The following MAF variants were observed in gnomAD, a reference collection of about 807,000 sequenced individuals.
The protein encoded by MAF is transcription factor Maf.
MAF carries 10 observed loss-of-function variants against 22.0 expected under a neutral mutation model. That is an observed-to-expected ratio of 0.45 (90% confidence interval 0.28 to 0.77). MAF has a LOEUF of 0.77. Among genes scored for constraint, MAF ranks in the 30% least tolerant of loss-of-function variants. MAF has a pLI of 0.12. For synonymous variants in MAF, 337 were observed against 255.8 expected (o/e 1.32, Z -3.03); for missense variants, 544 against 548.4 (o/e 0.99, Z 0.08).
chr16:79,488,931 C>T, the MAF span, among the ~76,000 whole-genome samples: 2 of 152,196 alleles, frequency 1.3e-5, no homozygotes, highest in African/African-American at 4.8e-5. Flanking sequence ...GATCATCTCT[C>T]CTTCCAGACT....
chr16:79,595,836 A>T, intron 1 of MAF: 1 of 1,058,242 alleles, frequency 9.4e-7, no homozygotes, highest in Non-Finnish European at 1.1e-6. Context: ...TTGATAACAT[A>T]GTTTAAACCA....
the MAF span, among the ~76,000 whole-genome samples, chr16:79,243,274 C>A: frequency 1.3e-5 from 2 of 150,422 alleles, no homozygotes; most frequent in Non-Finnish European, 3.0e-5. Flanking sequence ...CTGTTTTTTT[C>A]TTTTTTATTT....
At chr16:79,384,165 CG>C in the MAF span, among the ~76,000 whole-genome samples, 2 of 151,992 alleles carry the variant, frequency 1.3e-5, no homozygotes, top group Admixed American at 1.3e-4. Flanking sequence ...AAGTGATGGC[CG>C]GGGGTGGTGA....
the MAF span, among the ~76,000 whole-genome samples, chr16:79,421,339 G>A: frequency 6.6e-6 from 1 of 152,164 alleles, no homozygotes; most frequent in African/African-American, 2.4e-5. Flanking sequence ...ACAGAGCCAT[G>A]TTCCTGCCCT....
chr16:79,246,748 A>G, the MAF span, among the ~76,000 whole-genome samples: 1 of 152,116 alleles, frequency 6.6e-6, no homozygotes, highest in Admixed American at 6.5e-5. Context: ...TGAGTCTAAG[A>G]ATTCAACATT....
the MAF span, among the ~76,000 whole-genome samples, chr16:79,310,401 C>CAG: frequency 6.6e-6 from 1 of 151,960 alleles, no homozygotes; most frequent in Non-Finnish European, 1.5e-5. Context: ...GAGAGACAGA[C>CAG]AGAGAGAGAG....
the MAF span, among the ~76,000 whole-genome samples, chr16:79,211,104 C>T: frequency 6.6e-6 from 1 of 151,578 alleles, no homozygotes; most frequent in East Asian, 1.9e-4. Context: ...CCTAGCAGCA[C>T]CGTGGGCAAA....
chr16:79,224,714 T>A, the MAF span, among the ~76,000 whole-genome samples: 1 of 152,072 alleles, frequency 6.6e-6, no homozygotes, highest in African/African-American at 2.4e-5. Flanking sequence ...TATACACCAA[T>A]AATAGACAAA....
At chr16:79,566,599 A>G in the MAF span, among the ~76,000 whole-genome samples, 8 of 152,206 alleles carry the variant, frequency 5.3e-5, no homozygotes, top group Non-Finnish European at 1.2e-4. Context: ...CCTCCTGACC[A>G]CGCCACAAGT....
chr16:79,409,880 A>G, the MAF span, among the ~76,000 whole-genome samples: 78 of 152,368 alleles, frequency 5.1e-4, no homozygotes, highest in African/African-American at 1.8e-3. Context: ...GAAGCCTTGA[A>G]GTTTGGCTAG....
chr16:79,328,985 A>T, the MAF span, among the ~76,000 whole-genome samples: 2 of 152,046 alleles, frequency 1.3e-5, no homozygotes, highest in Non-Finnish European at 1.5e-5. Flanking sequence ...CTTCCTAATA[A>T]CCACAGCTCT....
the MAF span, among the ~76,000 whole-genome samples, chr16:79,452,946 A>C: frequency 2.0e-5 from 3 of 152,256 alleles, no homozygotes; most frequent in East Asian, 1.9e-4. Flanking sequence ...CGAGGAATTA[A>C]TTTTGCATTA....
At chr16:79,275,088 G>A in the MAF span, among the ~76,000 whole-genome samples, 2 of 152,198 alleles carry the variant, frequency 1.3e-5, no homozygotes, top group Admixed American at 6.5e-5. Flanking sequence ...GGGTGTGGTG[G>A]CTCAGGCCTG....
Position 79,594,191 on chromosome 16 carries a change from T to C in MAF, c.*269A>G. Reference sequence around the variant, plus strand: ...TATCTTTGTAATTTCAGTGAATTTTTAAAACTAGTATGGCAGGTTGAAAGC... The same window carrying C: ...TATCTTTGTAATTTCAGTGAATTTTCAAAACTAGTATGGCAGGTTGAAAGC... On this transcript the variant is annotated 3_prime_UTR_variant, in exon 2 of 2. Transcript: ENST00000326043. 1 of 442,818 alleles carries C rather than the reference T, an allele frequency of 2.3e-6. No individual in the cohort carries two copies. Among genetic ancestry groups the C allele is most frequent in the South Asian group, 2.8e-5 (1 of 35,434 alleles). The allele number at this position is 442,818 out of a possible 1,614,324, so 27.4% of individuals were successfully genotyped here. A position where few individuals can be genotyped will look rare whatever the true frequency, so the allele number is the denominator to read the frequency against.
the MAF span, among the ~76,000 whole-genome samples, chr16:79,299,727 A>C: frequency 2.0e-5 from 3 of 152,230 alleles, no homozygotes; most frequent in Non-Finnish European, 4.4e-5. Flanking sequence ...TTCTAATGCA[A>C]TGCTTTTCGT....
the MAF span, among the ~76,000 whole-genome samples, chr16:79,416,310 G>T: frequency 6.6e-6 from 1 of 152,150 alleles, no homozygotes; most frequent in Non-Finnish European, 1.5e-5. Context: ...ATTTAGCCAT[G>T]AGTTATTGGG....
At chr16:79,214,703 CTTTTTTTTTTTTT>C in the MAF span, among the ~76,000 whole-genome samples, 13 of 43,074 alleles carry the variant, frequency 3.0e-4, no homozygotes, top group East Asian at 4.7e-3. Flanking sequence ...CTGTGCCTGG[CTTTTTTTTTTTTT>C]TTTTTTTTTT....
the MAF span, among the ~76,000 whole-genome samples, chr16:79,223,978 G>A: frequency 3.2e-4 from 49 of 152,120 alleles, no homozygotes; most frequent in Non-Finnish European, 6.2e-4. Flanking sequence ...GCAAACAATA[G>A]GAAAAGAAGG....
chr16:79,220,315 G>A, the MAF span, among the ~76,000 whole-genome samples: 11 of 151,760 alleles, frequency 7.2e-5, no homozygotes, highest in African/African-American at 2.7e-4. Context: ...AGTTTGGGGG[G>A]CAGGATCAGA....
Sources: gnomAD v4.1 joint callset for allele counts (sites outside exome capture counted in the v4.1 genomes callset) on GRCh38, gnomAD v4.1.1 for gene constraint, MANE v1.5 for transcripts, NCBI Gene and HGNC (gene_info 2026-07-23, HGNC 2026-07-21) for gene names.